The following SLC2A13 variants were observed in gnomAD, a reference collection of about 807,000 sequenced individuals.
SLC2A13 encodes solute carrier family 2 member 13.
SLC2A13 carries 32 observed loss-of-function variants against 64.4 expected under a neutral mutation model. The ratio of observed to expected loss-of-function variants is 0.50; its 90% CI spans 0.37 to 0.67. The LOEUF (loss-of-function observed/expected upper bound fraction) is 0.67. Ranked by LOEUF, SLC2A13 falls within the 30% of genes least tolerant of loss-of-function variation. SLC2A13 has a pLI of 0.00. For missense variants in SLC2A13, 743 were observed against 829.2 expected, an observed-to-expected ratio of 0.90 and a Z score of 1.28; for synonymous variants, 338 against 327.1, an observed-to-expected ratio of 1.03 and a Z score of -0.36.
chr12:39,896,252 GTATGTATATGTGTGTATATATGTATACA>G (rs1565527637), intron 4 of SLC2A13, among the ~76,000 whole-genome samples: 5 of 84,400 alleles, frequency 5.9e-5, no homozygotes, highest in East Asian at 4.1e-4. Flanking sequence ...ATGTATACAT[GTATGTATATGTGTGTATATATGTATACA>G]TGTATGTATA....
intron 3 of SLC2A13, among the ~76,000 whole-genome samples, chr12:39,960,744 CTTTTTTTTT>C (rs71434303): frequency 9.2e-6 from 1 of 108,846 alleles, no homozygotes; most frequent in Non-Finnish European, 1.7e-5. Flanking sequence ...CTGTCTCATT[CTTTTTTTTT>C]TTTTTTTTTT....
intron 6 of SLC2A13, among the ~76,000 whole-genome samples, chr12:39,839,344 A>G (rs4473001): frequency 0.64 from 96,629 of 151,706 alleles, 30,919 homozygotes; most frequent in East Asian, 0.76. Flanking sequence ...TTAACCATGT[A>G]AGTAGGAAAC....
At chr12:39,874,509 G>A (rs577564593) in intron 4 of SLC2A13, among the ~76,000 whole-genome samples, 1 of 151,514 alleles carries the variant, frequency 6.6e-6, no homozygotes, top group Non-Finnish European at 1.5e-5. Flanking sequence ...TAGCTACTCA[G>A]GAGGCTAAGG....
intron 4 of SLC2A13, among the ~76,000 whole-genome samples, chr12:39,947,545 T>C (rs957520711): frequency 2.6e-5 from 4 of 152,162 alleles, no homozygotes; most frequent in Non-Finnish European, 5.9e-5. Flanking sequence ...GTGGTAATGA[T>C]AATGTGGGAA....
At chr12:39,924,835 C>G (rs1004736652) in intron 4 of SLC2A13, among the ~76,000 whole-genome samples, 6 of 151,154 alleles carry the variant, frequency 4.0e-5, no homozygotes, top group African/African-American at 1.5e-4. Context: ...AGAAAAAGAC[C>G]CCCCACCCCG....
At chr12:40,018,921 A>G (rs1384264969) in intron 3 of SLC2A13, among the ~76,000 whole-genome samples, 5 of 152,214 alleles carry the variant, frequency 3.3e-5, no homozygotes, top group Admixed American at 3.3e-4. Context: ...GAGTCTGGGC[A>G]CTACTGAAAT....
intron 7 of SLC2A13, among the ~76,000 whole-genome samples, chr12:39,790,138 TTG>T (rs1284851407): frequency 1.3e-5 from 2 of 151,268 alleles, no homozygotes; most frequent in Non-Finnish European, 1.5e-5. Context: ...TTTTTTTTTT[TTG>T]ACAGACTAAG....
intron 4 of SLC2A13, among the ~76,000 whole-genome samples, chr12:39,935,733 A>C (rs1945906864): frequency 6.6e-6 from 1 of 152,112 alleles, no homozygotes; most frequent in Admixed American, 6.6e-5. Flanking sequence ...CTAAGTTTGG[A>C]AGTCTTTTAG....
chr12:39,878,050 C>T (rs1416809706), intron 4 of SLC2A13, among the ~76,000 whole-genome samples: 4 of 152,348 alleles, frequency 2.6e-5, no homozygotes, highest in African/African-American at 9.6e-5. Flanking sequence ...CCTTTGCCTT[C>T]TGCCATAATT....
chr12:39,910,411 C>A (rs1362056554), intron 4 of SLC2A13, among the ~76,000 whole-genome samples: 1 of 152,050 alleles, frequency 6.6e-6, no homozygotes, highest in Non-Finnish European at 1.5e-5. Flanking sequence ...AGGATATAAC[C>A]ATTGTCAAGC....
chr12:39,896,564 ATATG>A (rs201344354), intron 4 of SLC2A13, among the ~76,000 whole-genome samples: 2,179 of 110,750 alleles, frequency 0.02, 86 homozygotes, highest in Admixed American at 0.071. Flanking sequence ...ATGTATACAT[ATATG>A]TATGTATGTG....
chr12:39,839,547 T>C (rs1001817997), intron 6 of SLC2A13, among the ~76,000 whole-genome samples: 2 of 151,830 alleles, frequency 1.3e-5, no homozygotes, highest in African/African-American at 4.9e-5. Context: ...TATTATCATT[T>C]GGTGATAAGA....
intron 4 of SLC2A13, among the ~76,000 whole-genome samples, chr12:39,915,072 C>A (rs1411026076): frequency 2.0e-5 from 3 of 151,684 alleles, no homozygotes; most frequent in African/African-American, 4.8e-5. Flanking sequence ...GTCAGGAAAA[C>A]CAACAGAGAA....
intron 6 of SLC2A13, among the ~76,000 whole-genome samples, chr12:39,848,702 C>T (rs551567457): frequency 2.0e-5 from 3 of 152,210 alleles, no homozygotes; most frequent in Admixed American, 2.0e-4. Context: ...AAGCATTCTA[C>T]CATAAAGACA....
At chr12:40,083,440 C>T (rs1281604605) in intron 1 of SLC2A13, among the ~76,000 whole-genome samples, 6 of 152,200 alleles carry the variant, frequency 3.9e-5, no homozygotes, top group African/African-American at 1.4e-4. Context: ...GAAAAAATAA[C>T]TGATTCCCTC....
chr12:39,820,242 C>T (rs1006190238), intron 7 of SLC2A13, among the ~76,000 whole-genome samples: 6 of 152,136 alleles, frequency 3.9e-5, no homozygotes, highest in African/African-American at 1.2e-4. Context: ...TAAAATAAGA[C>T]AGCATTCATC....
At chr12:39,895,661 T>C (rs1371108871) in intron 4 of SLC2A13, among the ~76,000 whole-genome samples, 3 of 149,044 alleles carry the variant, frequency 2.0e-5, no homozygotes, top group Admixed American at 6.8e-5. Context: ...TACACACATA[T>C]GTATATGCGT....
chr12:39,862,469 C>A (rs1245591233), intron 6 of SLC2A13, among the ~76,000 whole-genome samples: 2 of 152,192 alleles, frequency 1.3e-5, no homozygotes, highest in African/African-American at 4.8e-5. Context: ...AGAACCATAT[C>A]ACTTTCTAAA....
intron 7 of SLC2A13, among the ~76,000 whole-genome samples, chr12:39,820,207 A>G (rs550895118): frequency 6.6e-6 from 1 of 152,194 alleles, no homozygotes; most frequent in Non-Finnish European, 1.5e-5. Flanking sequence ...AATCCTTGGA[A>G]CTATTTAAGA....
Sources: gnomAD v4.1 joint callset for allele counts (sites outside exome capture counted in the v4.1 genomes callset) on GRCh38, gnomAD v4.1.1 for gene constraint, MANE v1.5 for transcripts, NCBI Gene and HGNC (gene_info 2026-07-23, HGNC 2026-07-21) for gene names.